DGKI: variants seen among roughly 807,000 people sequenced by gnomAD.
DGKI encodes the protein diacylglycerol kinase iota.
DGKI carries 55 observed loss-of-function variants against 147.5 expected under a neutral mutation model. The observed-to-expected ratio is 0.37, with a 90% confidence interval of 0.30 to 0.47. The LOEUF (loss-of-function observed/expected upper bound fraction) is 0.47, where lower values mean the gene tolerates loss of function less well. Ranked by LOEUF, DGKI falls within the 20% of genes least tolerant of loss-of-function variation. The pLI is 1.00. For synonymous variants in DGKI, 469 were observed against 477.1 expected, an observed-to-expected ratio of 0.98 and a Z score of 0.22; for missense variants, 1,007 against 1,323.8, an observed-to-expected ratio of 0.76 and a Z score of 3.71.
intron 28 of DGKI, among the ~76,000 whole-genome samples, chr7:137,428,761 GACAA>G (rs1372427370): frequency 1.3e-5 from 2 of 152,052 alleles, no homozygotes; most frequent in Non-Finnish European, 2.9e-5. Context: ...ACCAATGACA[GACAA>G]ACAGAGAGCC....
At chr7:137,729,821 T>C (rs1794818655) in intron 1 of DGKI, among the ~76,000 whole-genome samples, 1 of 152,134 alleles carries the variant, frequency 6.6e-6, no homozygotes, top group Admixed American at 6.5e-5. Flanking sequence ...GGGCCTCTAC[T>C]AACTTTTTCA....
In DGKI at chr7:137,415,173, G is replaced by A. The variant is rs1458413769; in HGVS notation, c.2762-2966C>T. ...TCAAAAACCCTGCGTTGAAGGACAA[G>A]GAAGGAGAGGCTGGGGAAAGTAAAG... On this transcript the variant is annotated intron_variant, in intron 28 of 32. Transcript: ENST00000614521. Among the ~76,000 whole-genome samples, 3 of 152,124 alleles carry A rather than the reference G, an allele frequency of 2.0e-5. 1 individual carries two copies. In the East Asian group the frequency reaches 5.8e-4, roughly 29 times the overall value.
At chr7:137,598,870 T>A (rs1819888392) in intron 11 of DGKI, among the ~76,000 whole-genome samples, 1 of 151,836 alleles carries the variant, frequency 6.6e-6, no homozygotes, top group Non-Finnish European at 1.5e-5. Flanking sequence ...TAAATAAATA[T>A]ATATATATGT....
chr7:137,824,528 AAGAAAAAG>A lies in DGKI; in HGVS notation c.401+21926_401+21933del, dbSNP rs1333067403. Among the ~76,000 whole-genome samples, 13 of 39,946 alleles carry A rather than the reference AAGAAAAAG, an allele frequency of 3.3e-4. 1 individual carries two copies. The highest frequency in any genetic ancestry group is 8.5e-4 in the African/African-American group (5 of 5,880). 26.2% of individuals were successfully genotyped at this position (39,946 alleles called of 152,430 possible). ...GAGACTCCATCTCAAAAAAAAAAAAAAGAAAAAGAAAAGAAAATGGAATTATTGGGTTT... is the reference window on the plus strand; with the variant it reads ...GAGACTCCATCTCAAAAAAAAAAAAAAAAAGAAAATGGAATTATTGGGTTT... On this transcript the variant is annotated intron_variant, in intron 1 of 32. Transcript: ENST00000614521.
intron 20 of DGKI, among the ~76,000 whole-genome samples, chr7:137,524,999 G>T (rs1817093599): frequency 6.6e-6 from 1 of 152,006 alleles, no homozygotes; most frequent in Non-Finnish European, 1.5e-5. Flanking sequence ...GTCCTCCCAG[G>T]TTCTCATCTA....
intron 2 of DGKI, among the ~76,000 whole-genome samples, chr7:137,685,371 A>G (rs1055708633): frequency 4.6e-5 from 7 of 152,180 alleles, no homozygotes; most frequent in Non-Finnish European, 1.0e-4. Context: ...AGGCAGTGTA[A>G]TGGGCAAAAA....
chr7:137,407,800 G>C, intron 30 of DGKI, 75 bp downstream of exon 30: 3 of 1,570,154 alleles, frequency 1.9e-6, no homozygotes, highest in Non-Finnish European at 2.6e-6. Flanking sequence ...CTGGATGAAG[G>C]GTAACTTAGA....
intron 20 of DGKI, among the ~76,000 whole-genome samples, chr7:137,537,286 T>A (rs1346582841): frequency 1.3e-5 from 2 of 152,182 alleles, no homozygotes; most frequent in African/African-American, 4.8e-5. Flanking sequence ...CCAGGTAGCC[T>A]GAAGCTAACT....
At position 137,797,812 on chromosome 7, in the gene DGKI, G is replaced by T. The variant is rs144177011; in HGVS notation, c.401+48650C>A. 8.8e-4 allele frequency among the ~76,000 whole-genome samples: 134 copies of T among 151,886 alleles called. No homozygotes were observed. The East Asian group carries it at 0.024, about 27-fold the overall frequency. On this transcript the variant is annotated intron_variant, in intron 1 of 32. Coordinates refer to ENST00000614521, the MANE Select transcript of DGKI (RefSeq NM_001321708.2). The stretch of plus-strand genomic sequence containing the variant: ...ATCCTCACACCTTAAGAAACTAGAA[G>T]AAGAAAAACTAAACCAAAAGCAAAC...
chr7:137,574,440 T>A (rs1300009113), intron 17 of DGKI, among the ~76,000 whole-genome samples: 1 of 152,204 alleles, frequency 6.6e-6, no homozygotes, highest in Non-Finnish European at 1.5e-5. Flanking sequence ...ACCTAGGATG[T>A]GATATATTAA....
chr7:137,614,624 A>G (rs1820469671), intron 8 of DGKI, among the ~76,000 whole-genome samples: 2 of 152,138 alleles, frequency 1.3e-5, no homozygotes, highest in South Asian at 4.1e-4. Flanking sequence ...TTTTATTTCT[A>G]CAAAATAACT....
chr7:137,789,376 T>C (rs1391366443), intron 1 of DGKI, among the ~76,000 whole-genome samples: 2 of 152,130 alleles, frequency 1.3e-5, no homozygotes, highest in Non-Finnish European at 1.5e-5. Context: ...GAAATGACTA[T>C]AGTTTTAGCA....
rs34551825 is a variant in DGKI at position 137,738,724 on chromosome 7, TCC to T, written c.402-48724_402-48723del. The stretch of plus-strand genomic sequence containing the variant: ...TAGAAATTCACAGAGAAGATGAGGT[TCC>T]CCCCCCCCCTTTCCTTTTCATATCC... On this transcript the variant is annotated intron_variant, in intron 1 of 32. Transcript: ENST00000614521. Among the ~76,000 whole-genome samples, 1,035 of 145,324 alleles carry T rather than the reference TCC, an allele frequency of 7.1e-3. 6 individuals carry two copies. The highest frequency in any genetic ancestry group is 8.4e-3 in the Non-Finnish European group (555 of 66,314).
At chr7:137,738,015 T>C (rs7795441) in intron 1 of DGKI, among the ~76,000 whole-genome samples, 40,899 of 152,122 alleles carry the variant, frequency 0.27, 5,672 homozygotes, top group Middle Eastern at 0.36. Flanking sequence ...GCAAGACTAA[T>C]AGCCAAGCTT....
intron 1 of DGKI, among the ~76,000 whole-genome samples, chr7:137,729,856 T>TAGAA (rs1794819513): frequency 6.6e-6 from 1 of 152,086 alleles, no homozygotes; most frequent in Admixed American, 6.6e-5. Context: ...TCCTTAATGG[T>TAGAA]TCCATGTTCA....
At chr7:137,787,893 A>T (rs1646264986) in intron 1 of DGKI, among the ~76,000 whole-genome samples, 1 of 152,064 alleles carries the variant, frequency 6.6e-6, no homozygotes, top group Non-Finnish European at 1.5e-5. Context: ...CTCAGGGGAA[A>T]CTGTCAGGGG....
At position 137,846,825 on chromosome 7, in the gene DGKI, A is replaced by T. The variant is rs922670537; in HGVS notation, c.38T>A (p.Leu13Gln). Residue 13 changes from leucine to glutamine, a missense_variant, in exon 1 of 33, where the codon CTG (leucine) becomes CAG (glutamine). By Grantham distance (113) the Leu-to-Gln change is moderately radical (BLOSUM62 -2). Coordinates refer to ENST00000614521, the MANE Select transcript of DGKI (RefSeq NM_001321708.2). The surrounding 1 kb of genome is among the most constrained non-coding windows in gnomAD (Gnocchi z 4.0). Reference protein sequence around the residue: ...AAGRGCHLLPLPAARGPARAP... With the variant: ...AAGRGCHLLPQPAARGPARAP... ...GCGGGCAGGTCCGCGCGCCGCTGGC[A>T]GGGGCAGCAAATGGCAGCCCCTTCC... 7.0e-6 allele frequency: 8 copies of T among 1,144,408 alleles called. No homozygotes were observed. The Admixed American group carries it at 3.4e-4, about 48-fold the overall frequency. The allele number at this position is 1,144,408 out of a possible 1,614,324, so 70.9% of individuals were successfully genotyped here.
intron 1 of DGKI, among the ~76,000 whole-genome samples, chr7:137,730,396 C>T (rs886274969): frequency 6.6e-6 from 1 of 152,068 alleles, no homozygotes; most frequent in African/African-American, 2.4e-5. Flanking sequence ...ATTCTCATCA[C>T]CTTTCAAGTC....
At chr7:137,844,846 G>A (rs1318407898) in intron 1 of DGKI, among the ~76,000 whole-genome samples, 2 of 152,144 alleles carry the variant, frequency 1.3e-5, no homozygotes, top group African/African-American at 4.8e-5. Context: ...GGACTCTGAT[G>A]AATACCAATA....
Sources: gnomAD v4.1 joint callset for allele counts (sites outside exome capture counted in the v4.1 genomes callset) on GRCh38, gnomAD v4.1.1 for gene constraint, Gnocchi (gnomAD v3.1) non-coding constraint, MANE v1.5 for transcripts, NCBI Gene and HGNC (gene_info 2026-07-23, HGNC 2026-07-21) for gene names.